The following ITFG1 variants were observed in gnomAD, a reference collection of about 807,000 sequenced individuals.
ITFG1 encodes the protein T-cell immunomodulatory protein.
In ITFG1, 34 loss-of-function variants were observed where a neutral mutation model predicts 81.8. That is an observed-to-expected ratio of 0.42 (90% CI 0.32 to 0.55). ITFG1 has a LOEUF of 0.55. ITFG1 is among the 20% of genes least tolerant of loss of function. The probability of loss-of-function intolerance (pLI) is 0.17; values close to 1 mark genes in which losing one functional copy is unlikely to be tolerated. For missense variants in ITFG1, 672 were observed against 755.4 expected (o/e 0.89, Z 1.29); for synonymous variants, 285 against 270.6 (o/e 1.05, Z -0.52).
At chr16:47,454,868 T>C (rs1319210550) in intron 2 of ITFG1, among the ~76,000 whole-genome samples, 1 of 152,190 alleles carries the variant, frequency 6.6e-6, no homozygotes, top group East Asian at 1.9e-4. Context: ...GGCCTTTAAT[T>C]CATTTTATAC....
At chr16:47,190,564 A>G (rs1265895835) in intron 14 of ITFG1, among the ~76,000 whole-genome samples, 1 of 152,070 alleles carries the variant, frequency 6.6e-6, no homozygotes, top group Non-Finnish European at 1.5e-5. Context: ...TATTCTTTTA[A>G]ACTCTTAAAT....
At chr16:47,169,318 T>C (rs978881650) in intron 14 of ITFG1, among the ~76,000 whole-genome samples, 3 of 152,316 alleles carry the variant, frequency 2.0e-5, no homozygotes, top group Admixed American at 6.5e-5. Flanking sequence ...AGTTTTCCAA[T>C]CCATGAATAT....
chr16:47,312,358 T>C (rs1261313937), intron 9 of ITFG1: 4 of 152,148 alleles, frequency 2.6e-5, no homozygotes, highest in Non-Finnish European at 5.9e-5. Flanking sequence ...GACTCATTTA[T>C]ATGGCTGCAA....
At chr16:47,261,912 A>G (rs915786781) in intron 10 of ITFG1, among the ~76,000 whole-genome samples, 1 of 152,206 alleles carries the variant, frequency 6.6e-6, no homozygotes, top group African/African-American at 2.4e-5. Flanking sequence ...AGCTCAAGTG[A>G]TCTTCCTGCC....
intron 8 of ITFG1, among the ~76,000 whole-genome samples, chr16:47,364,918 C>A (rs1968155267): frequency 6.6e-6 from 1 of 152,216 alleles, no homozygotes; most frequent in Admixed American, 6.5e-5. Flanking sequence ...ACTTGAATTC[C>A]TGAGCTCAAA....
At chr16:47,325,384 A>C (rs1190697560) in intron 8 of ITFG1, among the ~76,000 whole-genome samples, 4 of 152,234 alleles carry the variant, frequency 2.6e-5, no homozygotes. Flanking sequence ...AAAGATCTAA[A>C]ATTGACACCC....
chr16:47,366,264 A>G (rs1968175679), intron 7 of ITFG1, among the ~76,000 whole-genome samples: 2 of 152,350 alleles, frequency 1.3e-5, no homozygotes, highest in South Asian at 2.1e-4. Context: ...TCTGACGGTA[A>G]CACATAATTA....
At chr16:47,408,721 T>A (rs1470411065) in intron 6 of ITFG1, among the ~76,000 whole-genome samples, 2 of 152,240 alleles carry the variant, frequency 1.3e-5, no homozygotes, top group African/African-American at 4.8e-5. Context: ...TGGATATATG[T>A]CTATATTGAA....
chr16:47,310,610 T>C (rs768859973), intron 10 of ITFG1, among the ~76,000 whole-genome samples: 24 of 152,238 alleles, frequency 1.6e-4, no homozygotes, highest in Non-Finnish European at 2.8e-4. Context: ...GCAATAAATG[T>C]ACTCACAGTT....
intron 13 of ITFG1, among the ~76,000 whole-genome samples, chr16:47,225,876 CTAAG>C (rs775309964): frequency 9.2e-5 from 14 of 151,876 alleles, no homozygotes; most frequent in South Asian, 8.3e-4. Context: ...AAAGGTAACT[CTAAG>C]TATTCTGCGA....
Position 47,182,306 on chromosome 16 carries a change from T to C in ITFG1, c.1454-19642A>G, listed in dbSNP as rs181334828. On this transcript the variant is annotated intron_variant, in intron 14 of 17. Transcript: ENST00000320640. ...GGGAGCATACATTAGAGATTTGCCA[T>C]TTTGGATAAAATATGAGATGTCTAG... 5.1e-3 allele frequency among the ~76,000 whole-genome samples: 780 copies of C among 152,194 alleles called. 2 individuals carry two copies. Among genetic ancestry groups the C allele is most frequent in the Admixed American group, 7.7e-3 (118 of 15,292 alleles).
At chr16:47,438,423 G>T (rs571778369) in intron 5 of ITFG1, among the ~76,000 whole-genome samples, 1 of 152,276 alleles carries the variant, frequency 6.6e-6, no homozygotes, top group South Asian at 2.1e-4. Flanking sequence ...TAGCCTAACT[G>T]GGAGGCACCC....
intron 10 of ITFG1, among the ~76,000 whole-genome samples, chr16:47,307,120 A>AAC (rs1967180524): frequency 6.7e-6 from 1 of 148,920 alleles, no homozygotes; most frequent in Non-Finnish European, 1.5e-5. Context: ...AAAAAAAAAA[A>AAC]AAACGGAGAA....
In ITFG1 at chr16:47,279,575, T is replaced by C. The variant is rs57783821; in HGVS notation, c.1071-18880A>G. Among the ~76,000 whole-genome samples, 3 of 152,314 alleles carry C rather than the reference T, an allele frequency of 2.0e-5. No homozygotes were observed. In the East Asian group the frequency reaches 5.8e-4, roughly 29 times the overall value. Reference sequence around the variant, plus strand: ...TCCTTAACTTAGGGAGTGTGATTTCTCCAATTTTATATTCTTTTTCAAAAC... The same window carrying C: ...TCCTTAACTTAGGGAGTGTGATTTCCCCAATTTTATATTCTTTTTCAAAAC... On this transcript the variant is annotated intron_variant, in intron 10 of 17. Transcript: ENST00000320640.
At chr16:47,159,142 C>T (rs1296044821) in intron 16 of ITFG1, 152 bp from the exon 17 acceptor site, 1 of 409,210 alleles carries the variant, frequency 2.4e-6, no homozygotes, top group Non-Finnish European at 4.4e-6. Context: ...ATAAATAAAA[C>T]AAAAACAATT....
intron 6 of ITFG1, among the ~76,000 whole-genome samples, chr16:47,419,277 T>TG (rs1345751629): frequency 1.6e-5 from 2 of 122,408 alleles, no homozygotes; most frequent in Non-Finnish European, 3.2e-5. Context: ...TCCTTCTTAA[T>TG]TTTTTTTTTG....
chr16:47,333,311 A>C (rs1967660013), intron 8 of ITFG1, among the ~76,000 whole-genome samples: 1 of 152,198 alleles, frequency 6.6e-6, no homozygotes, highest in African/African-American at 2.4e-5. Context: ...TGGCAGGCAA[A>C]AGTGGAATTT....
intron 10 of ITFG1, among the ~76,000 whole-genome samples, chr16:47,294,466 C>T (rs1228930571): frequency 2.6e-5 from 4 of 152,082 alleles, no homozygotes; most frequent in Non-Finnish European, 4.4e-5. Context: ...ATTTTAATGA[C>T]ATTGATTCTC....
At chr16:47,365,969 C>A in intron 7 of ITFG1, 100 bp from the exon 8 acceptor site, 1 of 660,566 alleles carries the variant, frequency 1.5e-6, no homozygotes, top group Non-Finnish European at 2.7e-6. Context: ...TAAATAACTT[C>A]AGTATTTTGT....
Sources: allele counts gnomAD v4.1 joint callset (sites outside exome capture counted in the v4.1 genomes callset), GRCh38; gene constraint gnomAD v4.1.1; transcripts MANE v1.5; gene names NCBI Gene and HGNC (gene_info 2026-07-23, HGNC 2026-07-21).